TPR: variants seen among roughly 807,000 people sequenced by gnomAD.
The protein encoded by TPR is translocated promoter region, nuclear basket protein.
Under a neutral mutation model 316.1 loss-of-function variants are expected in TPR, and 51 were observed. That is an observed-to-expected ratio of 0.16 (90% CI 0.13 to 0.20). The LOEUF (loss-of-function observed/expected upper bound fraction) is 0.20. Among genes scored for constraint, TPR ranks in the 10% least tolerant of loss-of-function variants. The pLI is 1.00. For synonymous variants in TPR, 981 were observed against 914.7 expected, an observed-to-expected ratio of 1.07 and a Z score of -1.31; for missense variants, 2,272 against 2,754.8, an observed-to-expected ratio of 0.82 and a Z score of 3.92.
intron 24 of TPR, 62 bp from the exon 25 acceptor site, chr1:186,344,640 T>C: frequency 1.5e-6 from 2 of 1,307,856 alleles, no homozygotes; most frequent in East Asian, 2.5e-5. Context: ...TAGTTAGCAC[T>C]TGTCCAAAGA....
At chr1:186,357,197 T>C (rs1659054139) in intron 14 of TPR, among the ~76,000 whole-genome samples, 200 bp downstream of exon 14, 1 of 152,072 alleles carries the variant, frequency 6.6e-6, no homozygotes. Flanking sequence ...TATAGACATG[T>C]GCCACCACAC....
intron 43 of TPR, among the ~76,000 whole-genome samples, chr1:186,322,925 AAAC>A (rs1162319952): frequency 1.3e-5 from 2 of 152,210 alleles, no homozygotes; most frequent in African/African-American, 4.8e-5. Context: ...TTTGGAGTTC[AAAC>A]AGCAGTATTG....
At chr1:186,344,897 T>C (rs371071622) in intron 24 of TPR, among the ~76,000 whole-genome samples, 1 of 152,120 alleles carries the variant, frequency 6.6e-6, no homozygotes. Flanking sequence ...TTCCCTGTAT[T>C]ACATTTTAAA....
chr1:186,364,382 T>TAA (rs1436701648), intron 4 of TPR, among the ~76,000 whole-genome samples: 1 of 142,048 alleles, frequency 7.0e-6, no homozygotes. Context: ...GACCGTTGTT[T>TAA]AAAAAAAAAA....
chr1:186,369,614 C>A (rs1659458059), intron 3 of TPR, among the ~76,000 whole-genome samples: 1 of 151,920 alleles, frequency 6.6e-6, no homozygotes, highest in Non-Finnish European at 1.5e-5. Context: ...TGTATAAATT[C>A]ACTTATTAGC....
In TPR at chr1:186,345,601, G is replaced by A. The variant is rs759798644; in HGVS notation, c.3192C>T (p.Ala1064=). The A allele has an allele frequency of 1.2e-6, 2 of 1,613,208 alleles. No individual in the cohort carries two copies. Among genetic ancestry groups the A allele is most frequent in the Non-Finnish European group, 1.7e-6 (2 of 1,179,512 alleles). The stretch of plus-strand genomic sequence containing the variant: ...TTACTTGTTCCTGACAGTCACGTCT[G>A]GCTTGCTGCTCATTACTTAAAGCTG... ...ASTALSNEQQ[A]RRDCQEQAKI... Residue 1064 remains alanine, a synonymous_variant, in exon 24 of 51, where the codon GCC becomes GCT. Coordinates refer to ENST00000367478, the MANE Select transcript of TPR (RefSeq NM_003292.3).
chr1:186,333,426 C>A, intron 36 of TPR, 32 bp from the exon 37 acceptor site: 1 of 1,600,558 alleles, frequency 6.2e-7, no homozygotes, highest in Non-Finnish European at 8.5e-7. Context: ...GAATATAAGC[C>A]TTCTACTTTT....
rs1349018778 is a variant in TPR, at chr1:186,351,423, GCTA to G, written c.2514_2516del (p.Ser839del). 6.2e-7 allele frequency: 1 copy of G among 1,611,188 alleles called. No homozygotes were observed. Among genetic ancestry groups the G allele is most frequent in the Non-Finnish European group, 8.5e-7 (1 of 1,178,840 alleles). ...TCTCATGTTCCAGTTTTTCTATCTGGCTACTAAGCCTTTGTTTGGTTTCTGTTT... is the reference window on the plus strand; with the variant it reads ...TCTCATGTTCCAGTTTTTCTATCTGGCTAAGCCTTTGTTTGGTTTCTGTTT... On this transcript the variant is annotated inframe_deletion, in exon 20 of 51. Transcript: ENST00000367478.
chr1:186,333,101 T>G (rs1658222109), intron 37 of TPR, 21 bp downstream of exon 37: 1 of 1,610,830 alleles, frequency 6.2e-7, no homozygotes, highest in Non-Finnish European at 8.5e-7. Context: ...TACTCTGACT[T>G]CATTTTAAAA....
At chr1:186,326,036 T>C (rs1004167427) in intron 41 of TPR, 68 bp downstream of exon 41, 2 of 1,602,218 alleles carry the variant, frequency 1.2e-6, no homozygotes, top group African/African-American at 2.7e-5. Context: ...TTCTATATCC[T>C]TGGAAAACAG....
chr1:186,340,927 G>A, intron 29 of TPR, 101 bp downstream of exon 29: 1 of 1,416,862 alleles, frequency 7.1e-7, no homozygotes, highest in East Asian at 2.3e-5. Flanking sequence ...AATAAACACA[G>A]TAATTTTCAC....
rs1223006876 is a variant in TPR at position 186,346,233 on chromosome 1, A to G, written c.2998T>C (p.Phe1000Leu). ...AACTTCTTTTCCAACTGTGTCTGAA[A>G]TTCAGCTGACTCTTTTAAACGAACT... ...IEVRLKESAE[F>L]QTQLEKKLME... is the part of the protein sequence containing the mutation. Residue 1000 changes from phenylalanine to leucine, a missense_variant, in exon 23 of 51, where the codon TTT becomes CTT. Phe to Leu is a conservative substitution (Grantham distance 22). Coordinates refer to ENST00000367478, the MANE Select transcript of TPR (RefSeq NM_003292.3). 1 of 1,613,360 alleles carries G rather than the reference A, an allele frequency of 6.2e-7. No individual in the cohort carries two copies. Among genetic ancestry groups the G allele is most frequent in the Non-Finnish European group, 8.5e-7 (1 of 1,179,716 alleles).
At chr1:186,333,772 G>C (rs1174687848) in intron 36 of TPR, among the ~76,000 whole-genome samples, 1 of 152,110 alleles carries the variant, frequency 6.6e-6, no homozygotes, top group Admixed American at 6.6e-5. Flanking sequence ...ATTGGATGTA[G>C]CTGAAATAAA....
chr1:186,338,698 C>G (rs1347941981), intron 30 of TPR, among the ~76,000 whole-genome samples: 1 of 152,176 alleles, frequency 6.6e-6, no homozygotes, highest in African/African-American at 2.4e-5. Flanking sequence ...TCATTCTTAG[C>G]TTATAGGCTG....
At chr1:186,331,466 C>A (rs779427504) in intron 39 of TPR, 32 bp downstream of exon 39, 5 of 1,480,168 alleles carry the variant, frequency 3.4e-6, no homozygotes, top group Admixed American at 2.0e-5. Flanking sequence ...CGAAAAGCAA[C>A]GGTGTGGTAC....
In TPR at chr1:186,313,357, T is replaced by C. The variant is rs1404165585; in HGVS notation, c.*614A>G. ...TCTGCCTGTAATTTCATAATATGAATGACATTGGCATGTATTTTTTAAAAG... is the reference window on the plus strand; with the variant it reads ...TCTGCCTGTAATTTCATAATATGAACGACATTGGCATGTATTTTTTAAAAG... On this transcript the variant is annotated 3_prime_UTR_variant, in exon 51 of 51. Transcript: ENST00000367478. 1.2e-5 allele frequency: 4 copies of C among 329,550 alleles called. No homozygotes were observed. Among genetic ancestry groups the C allele is most frequent in the Non-Finnish European group, 2.2e-5 (4 of 177,906 alleles). 20.4% of individuals were successfully genotyped at this position (329,550 alleles called of 1,614,324 possible).
intron 4 of TPR, among the ~76,000 whole-genome samples, chr1:186,364,193 T>C (rs541818716): frequency 3.9e-5 from 6 of 152,318 alleles, no homozygotes; most frequent in South Asian, 2.1e-4. Context: ...ACCATAAACC[T>C]TGAATAACAA....
In TPR at chr1:186,313,594, C is replaced by A; in HGVS notation, c.*377G>T. On this transcript the variant is annotated 3_prime_UTR_variant, in exon 51 of 51. Transcript: ENST00000367478. ...TCTCTATTAAAATGATAAACATTGT[C>A]TTTGAGCATAATAGTCAACATAAGT... The A allele has an allele frequency of 1.2e-6, 1 of 809,398 alleles. No homozygotes were observed. 50.1% of individuals were successfully genotyped at this position (809,398 alleles called of 1,614,324 possible). A position where few individuals can be genotyped will look rare whatever the true frequency, so the allele number is the denominator to read the frequency against.
chr1:186,368,235 CTTAGAATAT>C (rs1490344394), intron 3 of TPR, among the ~76,000 whole-genome samples: 3 of 152,128 alleles, frequency 2.0e-5, no homozygotes, highest in Non-Finnish European at 2.9e-5. Flanking sequence ...GTCCTAATAA[CTTAGAATAT>C]CACTGTATTT....
Sources: gnomAD v4.1 joint callset for allele counts (sites outside exome capture counted in the v4.1 genomes callset) on GRCh38, gnomAD v4.1.1 for gene constraint, MANE v1.5 for transcripts, NCBI Gene and HGNC (gene_info 2026-07-23, HGNC 2026-07-21) for gene names.